MFSD6: variants seen among roughly 807,000 people sequenced by gnomAD.
MFSD6 encodes the protein major facilitator superfamily domain containing 6.
MFSD6 carries 26 observed loss-of-function variants against 56.3 expected under a neutral mutation model. The ratio of observed to expected loss-of-function variants is 0.46; its 90% CI spans 0.34 to 0.64. The LOEUF (loss-of-function observed/expected upper bound fraction) is 0.64. Ranked by LOEUF, MFSD6 falls within the 30% of genes least tolerant of loss-of-function variation. MFSD6 has a pLI of 0.01. For synonymous variants in MFSD6, 331 were observed against 366.9 expected (o/e 0.90, Z 1.12); for missense variants, 750 against 986.2 (o/e 0.76, Z 3.21).
rs1339156828 is a variant in MFSD6 at position 190,459,555 on chromosome 2, T to C, written c.1533-10203T>C. On this transcript the variant is annotated intron_variant, in intron 3 of 7. Coordinates refer to ENST00000392328, the MANE Select transcript of MFSD6 (RefSeq NM_017694.4). This position sits in a 1 kb window ranked among gnomAD's most constrained non-coding sequence, Gnocchi z 5.3. The stretch of plus-strand genomic sequence containing the variant: ...AAAACAGCATATTGTGTCTTCTAAG[T>C]GGTTGGGTTCCATTAATCAAGGTTC... Among the ~76,000 whole-genome samples, 1 of 152,220 alleles carries C rather than the reference T, an allele frequency of 6.6e-6. No homozygotes were observed. Among genetic ancestry groups the C allele is most frequent in the Non-Finnish European group, 1.5e-5 (1 of 68,038 alleles).
intron 1 of MFSD6, among the ~76,000 whole-genome samples, chr2:190,414,891 G>T (rs1690711248): frequency 6.6e-6 from 1 of 152,118 alleles, no homozygotes; most frequent in South Asian, 2.1e-4. Context: ...GAGCTACATA[G>T]ATTTACAAAT....
chr2:190,414,080 G>T (rs1690679954), intron 1 of MFSD6, among the ~76,000 whole-genome samples: 1 of 152,072 alleles, frequency 6.6e-6, no homozygotes, highest in African/African-American at 2.4e-5. Flanking sequence ...TGCTGCCTAT[G>T]ACTTTTAAGA....
Position 190,416,910 on chromosome 2 carries a change from A to G in MFSD6, c.-54+1497A>G, listed in dbSNP as rs1559101058. Reference sequence around the variant, plus strand: ...CTTCCTAAAATGAATTTTTGATCACATTAAACTTTAATAAAAATTTATATG... The same window carrying G: ...CTTCCTAAAATGAATTTTTGATCACGTTAAACTTTAATAAAAATTTATATG... On this transcript the variant is annotated intron_variant, in intron 2 of 7. Coordinates refer to ENST00000392328, the MANE Select transcript of MFSD6 (RefSeq NM_017694.4). This position sits in a 1 kb window ranked among gnomAD's most constrained non-coding sequence, Gnocchi z 4.1. Among the ~76,000 whole-genome samples the G allele has an allele frequency of 1.3e-5, 2 of 152,216 alleles. No homozygotes were observed. Among genetic ancestry groups the G allele is most frequent in the African/African-American group, 4.8e-5 (2 of 41,452 alleles).
At position 190,499,575 on chromosome 2, in the gene MFSD6, G is replaced by T. The variant is rs1689915099; in HGVS notation, c.2173-440G>T. Reference sequence around the variant, plus strand: ...ATTCTTTCCCAGCTCTGCCTCCAAGGATAAGAACCCCTTATTTACCTCCTG... The same window carrying T: ...ATTCTTTCCCAGCTCTGCCTCCAAGTATAAGAACCCCTTATTTACCTCCTG... On this transcript the variant is annotated intron_variant, in intron 7 of 7. Transcript: ENST00000392328. This position sits in a 1 kb window ranked among gnomAD's most constrained non-coding sequence, Gnocchi z 6.0. 6.6e-6 allele frequency among the ~76,000 whole-genome samples: 1 copy of T among 152,204 alleles called. No individual in the cohort carries two copies. The highest frequency in any genetic ancestry group is 6.5e-5 in the Admixed American group (1 of 15,278).
rs1051127213 is a variant in MFSD6 at position 190,413,556 on chromosome 2, A to G, written c.-175-1736A>G. Among the ~76,000 whole-genome samples, 2 of 152,172 alleles carry G rather than the reference A, an allele frequency of 1.3e-5. No individual in the cohort carries two copies. The highest frequency in any genetic ancestry group is 2.9e-5 in the Non-Finnish European group (2 of 68,032). ...GAGTGGGATGGGGGAAAGACAGGGA[A>G]AGACAGGGACACTATGAATCAGCAG... On this transcript the variant is annotated intron_variant, in intron 1 of 7. Coordinates refer to ENST00000392328, the MANE Select transcript of MFSD6 (RefSeq NM_017694.4). The surrounding 1 kb of genome is among the most constrained non-coding windows in gnomAD (Gnocchi z 4.1).
rs1406746261 is a variant in MFSD6, at chr2:190,469,998, G to GA, written c.1630+144dup. ...ATTTTGAAGTGGTTGTTAAGGAAGA[G>GA]ATGACATCAGGAGGGATGGTTCCTT... is the stretch of plus-strand genomic sequence containing the variant. On this transcript the variant is annotated intron_variant, in intron 4 of 7. Coordinates refer to ENST00000392328, the MANE Select transcript of MFSD6 (RefSeq NM_017694.4). The surrounding 1 kb of genome is among the most constrained non-coding windows in gnomAD (Gnocchi z 5.3). 3.4e-6 allele frequency: 2 copies of GA among 590,134 alleles called. No individual in the cohort carries two copies. 36.6% of individuals were successfully genotyped at this position (590,134 alleles called of 1,614,324 possible).
At chr2:190,452,994 GATTGTTCT>G (rs1188018351) in intron 3 of MFSD6, among the ~76,000 whole-genome samples, 1 of 152,116 alleles carries the variant, frequency 6.6e-6, no homozygotes, top group Non-Finnish European at 1.5e-5. Flanking sequence ...AATGATCAGT[GATTGTTCT>G]AGGGTTGCAG....
rs1280881913 is a variant in MFSD6 at position 190,499,808 on chromosome 2, G to C, written c.2173-207G>C. 6.5e-7 allele frequency: 1 copy of C among 1,527,840 alleles called. No individual in the cohort carries two copies. Among genetic ancestry groups the C allele is most frequent in the Non-Finnish European group, 8.8e-7 (1 of 1,132,738 alleles). The allele number at this position is 1,527,840 out of a possible 1,614,324, so 94.6% of individuals were successfully genotyped here. A position where few individuals can be genotyped will look rare whatever the true frequency, so the allele number is the denominator to read the frequency against. On this transcript the variant is annotated intron_variant, in intron 7 of 7. Transcript: ENST00000392328. This position sits in a 1 kb window ranked among gnomAD's most constrained non-coding sequence, Gnocchi z 6.0. ...CAAGACACGTCTGCTTATAGTGTTT[G>C]TGTTTTTCATGCGGCTCTGGCAGTT...
Position 190,433,896 on chromosome 2 carries a change from G to T in MFSD6, c.-53-2081G>T, listed in dbSNP as rs1253171790. On this transcript the variant is annotated intron_variant, in intron 2 of 7. Transcript: ENST00000392328. This position sits in a 1 kb window ranked among gnomAD's most constrained non-coding sequence, Gnocchi z 4.5. ...GAAACTGATATTTTTCTCTAGTAAA[G>T]AAAGTGAAAGGAGGCAGGGTGCAGT... is the stretch of plus-strand genomic sequence containing the variant. Among the ~76,000 whole-genome samples, 2 of 152,116 alleles carry T rather than the reference G, an allele frequency of 1.3e-5. No individual in the cohort carries two copies. Among genetic ancestry groups the T allele is most frequent in the Non-Finnish European group, 2.9e-5 (2 of 68,010 alleles).
intron 2 of MFSD6, among the ~76,000 whole-genome samples, chr2:190,428,356 C>T (rs1314144362): frequency 6.6e-6 from 1 of 152,186 alleles, no homozygotes; most frequent in Non-Finnish European, 1.5e-5. Context: ...TAGGGTCTTA[C>T]ACTCAGGATT....
In MFSD6 at chr2:190,469,910, A is replaced by G; in HGVS notation, c.1630+55A>G. 1 of 1,312,022 alleles carries G rather than the reference A, an allele frequency of 7.6e-7. No homozygotes were observed. 81.3% of individuals were successfully genotyped at this position (1,312,022 alleles called of 1,614,324 possible). On this transcript the variant is annotated intron_variant, in intron 4 of 7. Coordinates refer to ENST00000392328, the MANE Select transcript of MFSD6 (RefSeq NM_017694.4). The surrounding 1 kb of genome is among the most constrained non-coding windows in gnomAD (Gnocchi z 5.3). ...TCTCTGCCTTCCCTGAGCTGTGGCTAAAAGCCCAGTGGCCTTCAGCATCTG... is the reference window on the plus strand; with the variant it reads ...TCTCTGCCTTCCCTGAGCTGTGGCTGAAAGCCCAGTGGCCTTCAGCATCTG...
intron 4 of MFSD6, among the ~76,000 whole-genome samples, chr2:190,473,663 C>T (rs958794242): frequency 3.9e-5 from 6 of 152,256 alleles, no homozygotes; most frequent in Non-Finnish European, 8.8e-5. Context: ...GACAGATCAA[C>T]GAGACAGAAA....
intron 4 of MFSD6, among the ~76,000 whole-genome samples, chr2:190,476,827 G>A (rs1398313582): frequency 2.0e-5 from 3 of 152,158 alleles, no homozygotes; most frequent in African/African-American, 7.2e-5. Flanking sequence ...GTGATAGACT[G>A]GATTAAGAAA....
chr2:190,473,497 G>A (rs565002556), intron 4 of MFSD6, among the ~76,000 whole-genome samples: 328 of 152,166 alleles, frequency 2.2e-3, no homozygotes, highest in Middle Eastern at 0.014. Context: ...AATGGTAAAG[G>A]GATCAATTCA....
chr2:190,476,629 T>G (rs1574207673), intron 4 of MFSD6, among the ~76,000 whole-genome samples: 1 of 152,268 alleles, frequency 6.6e-6, no homozygotes, highest in Non-Finnish European at 1.5e-5. Context: ...ATTCAACCAT[T>G]GTGGAAGTCA....
chr2:190,436,819 G>T lies in MFSD6; in HGVS notation c.790G>T (p.Val264Phe), dbSNP rs547301085. Reference sequence around the variant, plus strand: ...AACCAAGGAGACAACCACTGTTATTGTTACCACCACCAAATCTTTACCTTC... The same window carrying T: ...AACCAAGGAGACAACCACTGTTATTTTTACCACCACCAAATCTTTACCTTC... ...SVTKETTTVI[V>F]TTTKSLPSDQ... The change falls in exon 3 of 8, where the codon GTT (valine) becomes TTT (phenylalanine). Residue 264 changes from valine to phenylalanine, a missense_variant. By Grantham distance (50) the Val-to-Phe change is conservative. Around this residue, in one of 5 missense-constraint regions of MFSD6, gnomAD observed 376 missense variants for 437.9 expected, o/e 0.86. Transcript: ENST00000392328. The surrounding 1 kb of genome is among the most constrained non-coding windows in gnomAD (Gnocchi z 5.3). 6.2e-7 allele frequency: 1 copy of T among 1,614,182 alleles called. No homozygotes were observed. The highest frequency in any genetic ancestry group is 2.2e-5 in the East Asian group (1 of 44,882).
At chr2:190,445,519 C>T (rs1352018176) in intron 3 of MFSD6, among the ~76,000 whole-genome samples, 1 of 149,654 alleles carries the variant, frequency 6.7e-6, no homozygotes, top group African/African-American at 2.4e-5. Flanking sequence ...TCTGACTCTG[C>T]CAGCCTTTCT....
rs772321303 is a variant in MFSD6 at position 190,436,958 on chromosome 2, A to C, written c.929A>C (p.Asp310Ala). 1.9e-6 allele frequency: 3 copies of C among 1,614,236 alleles called. No homozygotes were observed. The highest frequency in any genetic ancestry group is 2.5e-6 in the Non-Finnish European group (3 of 1,180,046). ...FFSASSVTIV[D>A]TVTLQYLGKH... ...AGTGCCTCTTCTGTCACAATCGTAG[A>C]CACGGTCACACTCCAGTATCTGGGA... is the stretch of plus-strand genomic sequence containing the variant. The change falls in exon 3 of 8, where the codon GAC (aspartate) becomes GCC (alanine). Residue 310 changes from aspartate (D) to alanine (A), a missense_variant. Around this residue, in one of 5 missense-constraint regions of MFSD6, gnomAD observed 376 missense variants for 437.9 expected, o/e 0.86. Coordinates refer to ENST00000392328, the MANE Select transcript of MFSD6 (RefSeq NM_017694.4). The surrounding 1 kb of genome is among the most constrained non-coding windows in gnomAD (Gnocchi z 5.3).
chr2:190,464,905 TGGTGGG>T (rs1687517817), intron 3 of MFSD6: 2 of 800,946 alleles, frequency 2.5e-6, no homozygotes, highest in Non-Finnish European at 2.9e-6. Flanking sequence ...TAGTGGCTTT[TGGTGGG>T]GGTGGGGGAG....
Sources: gnomAD v4.1 joint callset for allele counts (sites outside exome capture counted in the v4.1 genomes callset) on GRCh38, gnomAD v4.1.1 for gene constraint, gnomAD v4.1.1 regional missense constraint, Gnocchi (gnomAD v3.1) non-coding constraint, MANE v1.5 for transcripts, NCBI Gene and HGNC (gene_info 2026-07-23, HGNC 2026-07-21) for gene names.